Variants in ETS1 observed in about 807,000 individuals in gnomAD.
The protein encoded by ETS1 is ETS proto-oncogene 1, transcription factor, also known as protein C-ets-1.
In ETS1, 15 loss-of-function variants were observed where a neutral mutation model predicts 58.6. The observed-to-expected ratio is 0.26, with a 90% CI of 0.17 to 0.39. ETS1 has a LOEUF of 0.39. Ranked by LOEUF, ETS1 falls within the 10% of genes least tolerant of loss-of-function variation. The probability of loss-of-function intolerance (pLI) is 1.00; values close to 1 mark genes in which losing one functional copy is unlikely to be tolerated. For synonymous variants in ETS1, 214 were observed against 218.2 expected, an observed-to-expected ratio of 0.98 and a Z score of 0.17; for missense variants, 417 against 610.5, an observed-to-expected ratio of 0.68 and a Z score of 3.34.
rs145642299 is a variant in ETS1, at chr11:128,486,937, G to A, written c.536-791C>T. On this transcript the variant is annotated intron_variant, in intron 5 of 9. Transcript: ENST00000392668. ...TGATTATATTTCACCATAAGAATCT[G>A]ACATAGAGTATGGGTTTGGGTTTTT... Among the ~76,000 whole-genome samples the A allele has an allele frequency of 4.0e-4, 61 of 152,344 alleles. 1 individual carries two copies. The highest frequency in any genetic ancestry group is 1.4e-3 in the African/African-American group (60 of 41,586).
intron 1 of ETS1, 124 bp from the exon 2 acceptor site, chr11:128,573,268 G>T: frequency 1.5e-6 from 1 of 655,904 alleles, no homozygotes. Flanking sequence ...TCACTTCTTT[G>T]CATGGCAGGG....
chr11:128,542,041 C>T (rs1333474161), intron 3 of ETS1, among the ~76,000 whole-genome samples: 1 of 152,144 alleles, frequency 6.6e-6, no homozygotes, highest in African/African-American at 2.4e-5. Context: ...TTTTCCAGTA[C>T]AGGACCCCCC....
At chr11:128,532,839 T>A (rs1442524781) in intron 3 of ETS1, among the ~76,000 whole-genome samples, 1 of 152,196 alleles carries the variant, frequency 6.6e-6, no homozygotes, top group Non-Finnish European at 1.5e-5. Flanking sequence ...ACAAAGACCC[T>A]GCTTTTTCCC....
chr11:128,480,185 G>A lies in ETS1; in HGVS notation c.1123+6C>T, dbSNP rs201962711. The A allele has an allele frequency of 7.8e-5, 126 of 1,613,156 alleles. 1 individual carries two copies. The highest frequency in any genetic ancestry group is 3.4e-4 in the Middle Eastern group (2 of 5,864). On this transcript the variant is annotated splice_donor_region_variant and intron_variant, in intron 8 of 9. Coordinates refer to ENST00000392668, the MANE Select transcript of ETS1 (RefSeq NM_001143820.2). The stretch of plus-strand genomic sequence containing the variant: ...GAGTTGGCCTAAGCAGCGGGAGGGC[G>A]CCTACCTGTGTAGCCAGCTAGGGCA...
In ETS1 at chr11:128,463,770, C is replaced by T. The variant is rs996362838; in HGVS notation, c.1124-143G>A. ...TGAAGGCAACAGACAGTGCACATGT[C>T]GGAGGAAGTGTTATGAGCTCGAACA... is the stretch of plus-strand genomic sequence containing the variant. On this transcript the variant is annotated intron_variant, in intron 8 of 9. Coordinates refer to ENST00000392668, the MANE Select transcript of ETS1 (RefSeq NM_001143820.2). This position sits in a 1 kb window ranked among gnomAD's most constrained non-coding sequence, Gnocchi z 4.1. The T allele has an allele frequency of 5.6e-5, 33 of 592,782 alleles. No homozygotes were observed. The highest frequency in any genetic ancestry group is 4.3e-4 in the Admixed American group (18 of 41,470). 36.7% of individuals were successfully genotyped at this position (592,782 alleles called of 1,614,324 possible).
intron 1 of ETS1, among the ~76,000 whole-genome samples, chr11:128,578,954 C>T (rs542494051): frequency 6.6e-5 from 10 of 152,072 alleles, no homozygotes; most frequent in East Asian, 1.9e-4. Flanking sequence ...CACTAAATGC[C>T]GAAAAAGAGC....
intron 2 of ETS1, among the ~76,000 whole-genome samples, chr11:128,566,595 AAC>A (rs1049860788): frequency 2.0e-5 from 3 of 152,124 alleles, no homozygotes; most frequent in Middle Eastern, 3.4e-3. Context: ...CATCCTGGCT[AAC>A]ACAGTGAAAC....
intron 3 of ETS1, among the ~76,000 whole-genome samples, chr11:128,531,063 C>A (rs1863889893): frequency 6.6e-6 from 1 of 152,182 alleles, no homozygotes; most frequent in African/African-American, 2.4e-5. Flanking sequence ...CCTGCAGTTT[C>A]TTGCCAAGCA....
At chr11:128,482,742 C>T (rs1862521715) in intron 7 of ETS1, among the ~76,000 whole-genome samples, 1 of 152,148 alleles carries the variant, frequency 6.6e-6, no homozygotes, top group East Asian at 1.9e-4. Context: ...TGCTGCTGCG[C>T]TCATGTAGGG....
At chr11:128,575,254 C>T (rs1401347136) in intron 1 of ETS1, among the ~76,000 whole-genome samples, 1 of 152,210 alleles carries the variant, frequency 6.6e-6, no homozygotes, top group Non-Finnish European at 1.5e-5. Flanking sequence ...ATAACTAATA[C>T]ATGACTAGAA....
intron 1 of ETS1, among the ~76,000 whole-genome samples, chr11:128,579,577 C>T (rs1864820931): frequency 6.6e-6 from 1 of 150,904 alleles, no homozygotes; most frequent in Non-Finnish European, 1.5e-5. Flanking sequence ...AGAAGAATCG[C>T]TTGAGCCTGG....
chr11:128,541,566 G>T (rs1207366768), intron 3 of ETS1, among the ~76,000 whole-genome samples: 1 of 151,984 alleles, frequency 6.6e-6, no homozygotes, highest in Non-Finnish European at 1.5e-5. Flanking sequence ...CTGATCTTTG[G>T]GTTTTATTCC....
chr11:128,563,426 C>G (rs779981871), intron 2 of ETS1, among the ~76,000 whole-genome samples: 22 of 152,176 alleles, frequency 1.4e-4, no homozygotes, highest in African/African-American at 4.8e-4. Context: ...AGAAATCAAG[C>G]AGCCTGGGTT....
intron 8 of ETS1, among the ~76,000 whole-genome samples, chr11:128,465,947 A>G (rs1862022621): frequency 6.6e-6 from 1 of 152,190 alleles, no homozygotes; most frequent in Non-Finnish European, 1.5e-5. Flanking sequence ...GCCCATCCCC[A>G]GGTTCTTCAT....
intron 3 of ETS1, among the ~76,000 whole-genome samples, chr11:128,505,644 G>A (rs1434382214): frequency 2.6e-5 from 4 of 152,148 alleles, no homozygotes; most frequent in South Asian, 2.1e-4. Flanking sequence ...GTGGTAAGTC[G>A]CCAGGCAGAC....
chr11:128,553,048 A>T (rs1864257023), intron 3 of ETS1, among the ~76,000 whole-genome samples: 2 of 152,182 alleles, frequency 1.3e-5, no homozygotes, highest in African/African-American at 2.4e-5. Flanking sequence ...TCAGACTATA[A>T]ACAGCAACAG....
chr11:128,484,900 G>T lies in ETS1; in HGVS notation c.785C>A (p.Thr262Asn), dbSNP rs766138089. The change falls in exon 7 of 10, where the codon ACC becomes AAC. Residue 262 changes from threonine to asparagine, a missense_variant. Physicochemically the swap from Thr to Asn is moderately conservative, Grantham distance 65. This residue lies in a region of ETS1 where 139 missense variants were observed against 152.1 expected (regional missense o/e 0.91). Coordinates refer to ENST00000392668, the MANE Select transcript of ETS1 (RefSeq NM_001143820.2). The stretch of plus-strand genomic sequence containing the variant: ...GATAGCAAAGTAGTCATTCTGCAAG[G>T]TGTCTGTCTGGAGAGGGTCTCGGAG... ...VILRDPLQTD[T>N]LQNDYFAIKQ... 8.7e-6 allele frequency: 14 copies of T among 1,613,824 alleles called. No homozygotes were observed. The highest frequency in any genetic ancestry group is 1.1e-5 in the Non-Finnish European group (13 of 1,179,842).
intron 2 of ETS1, among the ~76,000 whole-genome samples, chr11:128,568,412 C>G (rs887163346): frequency 6.6e-6 from 1 of 152,174 alleles, no homozygotes; most frequent in Non-Finnish European, 1.5e-5. Context: ...AGGCTCACAG[C>G]GGGCTTGGGC....
Position 128,461,552 on chromosome 11 carries a change from G to A in ETS1, c.*809C>T, listed in dbSNP as rs1861905641. The A allele has an allele frequency of 6.6e-6, 1 of 152,526 alleles. No homozygotes were observed. Among genetic ancestry groups the A allele is most frequent in the African/African-American group, 2.4e-5 (1 of 41,356 alleles). The allele number at this position is 152,526 out of a possible 1,614,324, so 9.4% of individuals were successfully genotyped here. On this transcript the variant is annotated 3_prime_UTR_variant, in exon 10 of 10. Coordinates refer to ENST00000392668, the MANE Select transcript of ETS1 (RefSeq NM_001143820.2). ...TGACATTCACACACATAATTCCCCT[G>A]TACCCAAATCAGCATTAATTGTCCT...
Sources: allele counts gnomAD v4.1 joint callset (sites outside exome capture counted in the v4.1 genomes callset), GRCh38; gene constraint gnomAD v4.1.1; regional missense constraint gnomAD v4.1.1; non-coding constraint Gnocchi (gnomAD v3.1); transcripts MANE v1.5; gene names NCBI Gene and HGNC (gene_info 2026-07-23, HGNC 2026-07-21).